WWOX: variants seen among roughly 807,000 people sequenced by gnomAD.
WWOX encodes the protein WW domain-containing oxidoreductase.
Under a neutral mutation model 46.2 loss-of-function variants are expected in WWOX, and 69 were observed. The ratio of observed to expected loss-of-function variants is 1.49; its 90% CI spans 1.23 to 1.82. The LOEUF (loss-of-function observed/expected upper bound fraction) is 1.82, where lower values mean the gene tolerates loss of function less well. Among genes scored for constraint, WWOX ranks in the 40% most tolerant of loss-of-function variants. The pLI, the probability that WWOX is intolerant of heterozygous loss-of-function variation, is 0.00. For synonymous variants in WWOX, 359 were observed against 202.6 expected (o/e 1.77, Z -6.56); for missense variants, 919 against 542.6 (o/e 1.69, Z -6.89).
intron 8 of WWOX, among the ~76,000 whole-genome samples, chr16:78,954,586 C>T (rs1413174196): frequency 6.6e-6 from 1 of 152,112 alleles, no homozygotes; most frequent in African/African-American, 2.4e-5. Context: ...AAGCCAGTGC[C>T]AGGGGCTGGA....
intron 5 of WWOX, among the ~76,000 whole-genome samples, chr16:78,230,174 CCG>C (rs1486063435): frequency 0.14 from 931 of 6,814 alleles, 4 homozygotes; most frequent in African/African-American, 0.28. Flanking sequence ...GCTACCGTGC[CCG>C]TGCCCGGCCT....
rs186059543 is a variant in WWOX at position 78,191,061 on chromosome 16, T to A, written c.516+26772T>A. 2.6e-5 allele frequency among the ~76,000 whole-genome samples: 4 copies of A among 152,280 alleles called. No individual in the cohort carries two copies. The East Asian group carries it at 5.8e-4, about 22-fold the overall frequency. On this transcript the variant is annotated intron_variant, in intron 5 of 8. Transcript: ENST00000566780. ...ATCCCCTTGTTAAGAGAAAATCTACTTTATGAGCCCTCTTTCCAACCGCAG... is the reference window on the plus strand; with the variant it reads ...ATCCCCTTGTTAAGAGAAAATCTACATTATGAGCCCTCTTTCCAACCGCAG...
At chr16:79,187,127 C>T (rs1049105818) in intron 8 of WWOX, among the ~76,000 whole-genome samples, 1 of 152,158 alleles carries the variant, frequency 6.6e-6, no homozygotes, top group South Asian at 2.1e-4. Flanking sequence ...GCCGAACCCC[C>T]TGGGTTCAAA....
chr16:79,122,628 C>G, intron 8 of WWOX, among the ~76,000 whole-genome samples: 1 of 151,594 alleles, frequency 6.6e-6, no homozygotes, highest in East Asian at 1.9e-4. Context: ...TACTTTTCTT[C>G]TTCCCTTCCC....
chr16:78,493,917 G>A (rs1370952948), intron 8 of WWOX, among the ~76,000 whole-genome samples: 1 of 152,320 alleles, frequency 6.6e-6, no homozygotes, highest in South Asian at 2.1e-4. Context: ...GTAGAGCAAT[G>A]ATTCCAGAAG....
At chr16:78,311,241 C>G (rs758216495) in intron 5 of WWOX, among the ~76,000 whole-genome samples, 1 of 152,146 alleles carries the variant, frequency 6.6e-6, no homozygotes, top group African/African-American at 2.4e-5. Flanking sequence ...CTATCAGTTG[C>G]ATTCCCTGTA....
intron 8 of WWOX, among the ~76,000 whole-genome samples, chr16:78,973,819 A>G (rs1392022165): frequency 6.6e-6 from 1 of 152,240 alleles, no homozygotes; most frequent in Non-Finnish European, 1.5e-5. Flanking sequence ...GAGTGGGGGC[A>G]CCAGGGCTCA....
intron 8 of WWOX, among the ~76,000 whole-genome samples, chr16:78,730,748 C>G (rs987665095): frequency 6.6e-6 from 1 of 151,690 alleles, no homozygotes; most frequent in Admixed American, 6.6e-5. Context: ...GTATAAACCA[C>G]CAACCCAGCC....
At chr16:78,787,874 A>T (rs906775380) in intron 8 of WWOX, among the ~76,000 whole-genome samples, 4 of 151,898 alleles carry the variant, frequency 2.6e-5, no homozygotes, top group African/African-American at 9.7e-5. Flanking sequence ...CGTGGTTTTG[A>T]TTTGCATTTC....
At chr16:78,717,817 C>T (rs1278764103) in intron 8 of WWOX, among the ~76,000 whole-genome samples, 1 of 152,074 alleles carries the variant, frequency 6.6e-6, no homozygotes, top group Non-Finnish European at 1.5e-5. Context: ...GGTTTTTCTC[C>T]TTCCTGCTAT....
chr16:78,731,313 A>G (rs140577009), intron 8 of WWOX, among the ~76,000 whole-genome samples: 266 of 152,256 alleles, frequency 1.7e-3, no homozygotes, highest in African/African-American at 6.1e-3. Context: ...GAAGCTGCCA[A>G]TTCCTCTGCT....
intron 5 of WWOX, among the ~76,000 whole-genome samples, chr16:78,196,990 G>A (rs1005009493): frequency 1.3e-5 from 2 of 152,156 alleles, no homozygotes; most frequent in Non-Finnish European, 2.9e-5. Flanking sequence ...AGAATTACTT[G>A]TCTAATATAT....
At chr16:79,034,395 CA>C (rs2047825466) in intron 8 of WWOX, among the ~76,000 whole-genome samples, 1 of 152,188 alleles carries the variant, frequency 6.6e-6, no homozygotes, top group African/African-American at 2.4e-5. Flanking sequence ...CATCAGAATG[CA>C]AAAGGTGTTT....
chr16:78,788,406 C>T (rs934485008), intron 8 of WWOX, among the ~76,000 whole-genome samples: 6 of 152,180 alleles, frequency 3.9e-5, no homozygotes, highest in African/African-American at 1.4e-4. Context: ...TAATCTTCCC[C>T]ACCTTTTTGA....
intron 8 of WWOX, among the ~76,000 whole-genome samples, chr16:78,966,794 C>T (rs906209340): frequency 6.6e-6 from 1 of 152,174 alleles, no homozygotes; most frequent in Non-Finnish European, 1.5e-5. Context: ...CATGTGCCAA[C>T]TGTTCTACTT....
intron 5 of WWOX, among the ~76,000 whole-genome samples, chr16:78,287,270 A>G (rs1054282054): frequency 6.6e-6 from 1 of 152,160 alleles, no homozygotes; most frequent in Non-Finnish European, 1.5e-5. Flanking sequence ...ACGGTTTTAA[A>G]TTTCTAATTG....
chr16:78,540,530 C>T (rs151064345), intron 8 of WWOX, among the ~76,000 whole-genome samples: 1 of 152,228 alleles, frequency 6.6e-6, no homozygotes, highest in East Asian at 1.9e-4. Context: ...AGATAAACAA[C>T]ATGTCATTTT....
At chr16:78,817,507 G>A (rs760046874) in intron 8 of WWOX, among the ~76,000 whole-genome samples, 1 of 152,156 alleles carries the variant, frequency 6.6e-6, no homozygotes, top group Non-Finnish European at 1.5e-5. Flanking sequence ...CAAAATAGAT[G>A]TACAGCTTGG....
At chr16:78,571,529 A>G (rs1051121315) in intron 8 of WWOX, among the ~76,000 whole-genome samples, 5 of 152,194 alleles carry the variant, frequency 3.3e-5, no homozygotes, top group Non-Finnish European at 7.3e-5. Context: ...ACTGTCCTAT[A>G]AAGAATACCA....
Sources: allele counts gnomAD v4.1 joint callset (sites outside exome capture counted in the v4.1 genomes callset), GRCh38; gene constraint gnomAD v4.1.1; transcripts MANE v1.5; gene names NCBI Gene and HGNC (gene_info 2026-07-23, HGNC 2026-07-21).